MYBBP1A: variants seen among roughly 807,000 people sequenced by gnomAD.
MYBBP1A encodes the protein myb-binding protein 1A.
Under a neutral mutation model 136.3 loss-of-function variants are expected in MYBBP1A, and 147 were observed. The observed-to-expected ratio is 1.08, with a 90% CI of 0.94 to 1.24. The LOEUF is 1.24. MYBBP1A is among the 50% of genes most tolerant of loss of function. MYBBP1A has a pLI of 0.00. For synonymous variants in MYBBP1A, 947 were observed against 735.8 expected, an observed-to-expected ratio of 1.29 and a Z score of -4.65; for missense variants, 2,060 against 1,727.4, an observed-to-expected ratio of 1.19 and a Z score of -3.41.
chr17:4,546,185 C>T (rs1385419196), intron 13 of MYBBP1A, among the ~76,000 whole-genome samples: 1 of 152,238 alleles, frequency 6.6e-6, no homozygotes, highest in Non-Finnish European at 1.5e-5. Flanking sequence ...GTGGTCTGAT[C>T]TCGGCTCACC....
At chr17:4,544,266 G>A (rs1401178136) in intron 19 of MYBBP1A, among the ~76,000 whole-genome samples, 1 of 152,146 alleles carries the variant, frequency 6.6e-6, no homozygotes, top group Non-Finnish European at 1.5e-5. Context: ...CAGCTCCAGG[G>A]CACTGTTGGC....
rs376525083 is a variant in MYBBP1A, at chr17:4,554,209, G to A, written c.364C>T (p.His122Tyr). The A allele has an allele frequency of 3.7e-6, 6 of 1,614,046 alleles. No homozygotes were observed. In the South Asian group the frequency reaches 5.5e-5, roughly 15 times the overall value. ...CCCACTCTCACCTTCTTCACCTGAT[G>A]CAGGTCATATTTTTCTTGTATCTGC... Reference protein sequence around the residue: ...LQQIQEKYDLHQVKKAMLRPA... With the variant: ...LQQIQEKYDLYQVKKAMLRPA... Residue 122 changes from histidine to tyrosine, a missense_variant, in exon 3 of 26, where the codon CAT becomes TAT. Transcript: ENST00000254718.
In MYBBP1A at chr17:4,544,641, C is replaced by T; in HGVS notation, c.2487G>A (p.Leu829=). 5.1e-6 allele frequency: 8 copies of T among 1,577,932 alleles called. 1 individual carries two copies. The Middle Eastern group carries it at 1.0e-3, about 200-fold the overall frequency. The change falls in exon 19 of 26, where the codon CTG becomes CTA. Residue 829 remains leucine, a synonymous_variant. Transcript: ENST00000254718. Reference sequence around the variant, plus strand: ...TGGTCACTAGCACCTCCACCAGGTCCAGCACCTGCAGCCAGGAGGGCAGGT... The same window carrying T: ...TGGTCACTAGCACCTCCACCAGGTCTAGCACCTGCAGCCAGGAGGGCAGGT... ...ALRRDFQIRV[L]DLVEVLVTKQ...
rs1221140751 is a variant in MYBBP1A at position 4,548,789 on chromosome 17, C to A, written c.1431-140G>T. On this transcript the variant is annotated intron_variant, in intron 10 of 25. Coordinates refer to ENST00000254718, the MANE Select transcript of MYBBP1A (RefSeq NM_014520.4). This position sits in a 1 kb window ranked among gnomAD's most constrained non-coding sequence, Gnocchi z 4.2. ...CTGCCCTGGGTACAGTCCTCGGGGG[C>A]CTGACGGGCAAGGCTGGAGGGGGCT... 1 of 1,204,664 alleles carries A rather than the reference C, an allele frequency of 8.3e-7. No homozygotes were observed. The allele number at this position is 1,204,664 out of a possible 1,614,324, so 74.6% of individuals were successfully genotyped here.
At chr17:4,540,747 G>A (rs1272377300) in intron 24 of MYBBP1A, among the ~76,000 whole-genome samples, 4 of 152,038 alleles carry the variant, frequency 2.6e-5, no homozygotes, top group African/African-American at 7.2e-5. Context: ...GCAGTGGCCC[G>A]GGCCCACCCA....
In MYBBP1A at chr17:4,543,049, G is replaced by C. The variant is rs139785008; in HGVS notation, c.2756C>G (p.Thr919Ser). The C allele has an allele frequency of 1.2e-6, 2 of 1,613,592 alleles. No homozygotes were observed. The highest frequency in any genetic ancestry group is 4.5e-5 in the East Asian group (2 of 44,880). The change falls in exon 20 of 26, where the codon ACC (threonine) becomes AGC (serine). Residue 919 changes from threonine (T) to serine (S), a missense_variant. Transcript: ENST00000254718. ...QQAGRQPDSPTALYHFNASLY... is the reference protein window; with the variant it reads ...QQAGRQPDSPSALYHFNASLY... ...AGAGGCGTTGAAGTGGTAGAGGGCG[G>C]TGGGGGAGTCGGGCTGGCGGCCAGC...
At chr17:4,542,298 C>T in intron 22 of MYBBP1A, 166 bp downstream of exon 22, 1 of 784,728 alleles carries the variant, frequency 1.3e-6, no homozygotes, top group Non-Finnish European at 2.0e-6. Flanking sequence ...CAGGGCACGG[C>T]CACCCCCTTC....
intron 20 of MYBBP1A, 23 bp from the exon 21 acceptor site, chr17:4,542,764 G>C: frequency 2.5e-6 from 4 of 1,612,336 alleles, no homozygotes; most frequent in South Asian, 1.1e-5. Flanking sequence ...AGAGCGAGCT[G>C]GGTGAGGCCA....
chr17:4,544,996 G>GGCCCC, intron 17 of MYBBP1A, 30 bp downstream of exon 17: 1 of 697,890 alleles, frequency 1.4e-6, no homozygotes, highest in South Asian at 2.2e-5. Context: ...GCCCTCCCCG[G>GGCCCC]CCGCCCCCCC....
intron 8 of MYBBP1A, 115 bp downstream of exon 8, chr17:4,551,765 G>T: frequency 1.1e-6 from 1 of 880,736 alleles, no homozygotes; most frequent in Non-Finnish European, 1.8e-6. Flanking sequence ...TACCCAGACG[G>T]AGGGGACACC....
intron 13 of MYBBP1A, among the ~76,000 whole-genome samples, chr17:4,546,534 G>C (rs770834300): frequency 6.6e-6 from 1 of 152,188 alleles, no homozygotes; most frequent in Non-Finnish European, 1.5e-5. Context: ...ACCTGACAAG[G>C]ATGGTCAGGG....
Position 4,552,889 on chromosome 17 carries a change from A to G in MYBBP1A, c.562-263T>C, listed in dbSNP as rs984931143. On this transcript the variant is annotated intron_variant, in intron 5 of 25. Coordinates refer to ENST00000254718, the MANE Select transcript of MYBBP1A (RefSeq NM_014520.4). The surrounding 1 kb of genome is among the most constrained non-coding windows in gnomAD (Gnocchi z 4.7). ...TCACTTTGCCACCCAGGCTGAGTAT[A>G]GTGGTGTGATCTTGGCTCACTGCAA... 6.6e-6 allele frequency among the ~76,000 whole-genome samples: 1 copy of G among 151,006 alleles called. No homozygotes were observed. Among genetic ancestry groups the G allele is most frequent in the Non-Finnish European group, 1.5e-5 (1 of 67,900 alleles).
At chr17:4,543,364 A>C in intron 19 of MYBBP1A, 199 bp from the exon 20 acceptor site, 1 of 687,204 alleles carries the variant, frequency 1.5e-6, no homozygotes, top group Non-Finnish European at 2.4e-6. Context: ...CTGGGGTGAC[A>C]GGGGCGCTCC....
Position 4,552,136 on chromosome 17 carries a change from G to C in MYBBP1A, c.894C>G (p.Phe298Leu), listed in dbSNP as rs766179334. Reference sequence around the variant, plus strand: ...CGCGTCGCCCGCACCTGGCTGGCCAGAACTGCATCTTCAGCAGCCCTTGTT... The same window carrying C: ...CGCGTCGCCCGCACCTGGCTGGCCACAACTGCATCTTCAGCAGCCCTTGTT... ...VVEQGLLKMQ[F>L]WPASYLCFRL... is the part of the protein sequence containing the mutation. Residue 298 changes from phenylalanine to leucine, a missense_variant, in exon 7 of 26, where the codon TTC (phenylalanine) becomes TTG (leucine). Phe to Leu is a conservative substitution (Grantham distance 22, BLOSUM62 0). Coordinates refer to ENST00000254718, the MANE Select transcript of MYBBP1A (RefSeq NM_014520.4). The surrounding 1 kb of genome is among the most constrained non-coding windows in gnomAD (Gnocchi z 4.7). 3 of 1,614,060 alleles carry C rather than the reference G, an allele frequency of 1.9e-6. No homozygotes were observed. Among genetic ancestry groups the C allele is most frequent in the South Asian group, 1.1e-5 (1 of 91,078 alleles).
Position 4,540,441 on chromosome 17 carries a change from C to T in MYBBP1A, c.3341G>A (p.Gly1114Glu). The change falls in exon 25 of 26, where the codon GGG becomes GAG. Residue 1114 changes from glycine to glutamate, a missense_variant. By Grantham distance (98) the Gly-to-Glu change is moderately conservative. Coordinates refer to ENST00000254718, the MANE Select transcript of MYBBP1A (RefSeq NM_014520.4). ...CCCCTGCTGTAGGCTCTGCTGTTGCCCCTGCAGCACACCCAGGAGCACCGT... is the reference window on the plus strand; with the variant it reads ...CCCCTGCTGTAGGCTCTGCTGTTGCTCCTGCAGCACACCCAGGAGCACCGT... ...DLTVLLGVLQ[G>E]QQQSLQQGAH... is the part of the protein sequence containing the mutation. The T allele has an allele frequency of 6.2e-7, 1 of 1,611,054 alleles. No individual in the cohort carries two copies. Among genetic ancestry groups the T allele is most frequent in the South Asian group, 1.1e-5 (1 of 90,982 alleles).
intron 13 of MYBBP1A, among the ~76,000 whole-genome samples, chr17:4,546,341 A>T (rs534919965): frequency 3.3e-5 from 5 of 151,188 alleles, no homozygotes; most frequent in East Asian, 3.9e-4. Flanking sequence ...CTGGTCTTGA[A>T]CTCCTGACCT....
At chr17:4,545,823 C>T (rs1906962911) in intron 14 of MYBBP1A, 23 bp downstream of exon 14, 1 of 1,611,886 alleles carries the variant, frequency 6.2e-7, no homozygotes, top group South Asian at 1.1e-5. Flanking sequence ...CCACTCTAGT[C>T]CCTCTCGTGA....
chr17:4,541,546 CCCCCAGCACGCGCA>C lies in MYBBP1A; in HGVS notation c.3200_3213del (p.Leu1067Ter), dbSNP rs773323139. ...TGATGCTGCGCCTTGGTCTGCGCCT[CCCCCAGCACGCGCA>C]AGTTCTAGGGAAGGGTGGCCAGGCT... On this transcript the variant is annotated frameshift_variant, in exon 24 of 26. Transcript: ENST00000254718. LOFTEE classifies it high-confidence loss of function. 1 of 1,612,564 alleles carries C rather than the reference CCCCCAGCACGCGCA, an allele frequency of 6.2e-7. No individual in the cohort carries two copies. Among genetic ancestry groups the C allele is most frequent in the Non-Finnish European group, 8.5e-7 (1 of 1,179,986 alleles).
chr17:4,552,972 C>T lies in MYBBP1A; in HGVS notation c.562-346G>A, dbSNP rs933560228. ...CCTCAGGTGGGATTAAAGGTGTGCG[C>T]CATCACACCCAGCTAATTTTTGTAT... On this transcript the variant is annotated intron_variant, in intron 5 of 25. Transcript: ENST00000254718. This position sits in a 1 kb window ranked among gnomAD's most constrained non-coding sequence, Gnocchi z 4.7. 6.6e-6 allele frequency among the ~76,000 whole-genome samples: 1 copy of T among 152,006 alleles called. No homozygotes were observed. The highest frequency in any genetic ancestry group is 2.4e-5 in the African/African-American group (1 of 41,340).
Sources: gnomAD v4.1 joint callset for allele counts (sites outside exome capture counted in the v4.1 genomes callset) on GRCh38, gnomAD v4.1.1 for gene constraint, Gnocchi (gnomAD v3.1) non-coding constraint, MANE v1.5 for transcripts, NCBI Gene and HGNC (gene_info 2026-07-23, HGNC 2026-07-21) for gene names.